RAB38: variants seen among roughly 807,000 people sequenced by gnomAD.
RAB38 encodes the protein RAB38, member RAS oncogene family.
Under a neutral mutation model 18.4 loss-of-function variants are expected in RAB38, and 15 were observed. That is an observed-to-expected ratio of 0.82 (90% CI 0.55 to 1.26). RAB38 has a LOEUF of 1.26. Ranked by LOEUF, RAB38 falls within the 50% of genes most tolerant of loss-of-function variation. The probability of loss-of-function intolerance (pLI) is 0.00; values close to 1 mark genes in which losing one functional copy is unlikely to be tolerated. For missense variants in RAB38, 294 were observed against 267.4 expected (o/e 1.10, Z -0.69); for synonymous variants, 101 against 104.4 (o/e 0.97, Z 0.20).
chr11:87,857,873 T>A, the RAB38 span, among the ~76,000 whole-genome samples: 14 of 152,208 alleles, frequency 9.2e-5, no homozygotes, highest in Non-Finnish European at 1.8e-4. Flanking sequence ...TTTAATTAGA[T>A]CCCATTTGTC....
the RAB38 span, among the ~76,000 whole-genome samples, chr11:88,088,280 A>C: frequency 1.3e-5 from 2 of 151,960 alleles, no homozygotes; most frequent in Non-Finnish European, 2.9e-5. Context: ...TATTTGTAAA[A>C]CAACAAACTT....
the RAB38 span, among the ~76,000 whole-genome samples, chr11:87,859,211 C>A: frequency 4.4e-3 from 660 of 151,494 alleles, 2 homozygotes; most frequent in Non-Finnish European, 7.4e-3. Flanking sequence ...AATGTTTATA[C>A]GCCATTGAGA....
the RAB38 span, among the ~76,000 whole-genome samples, chr11:88,022,939 G>A: frequency 6.6e-6 from 1 of 152,112 alleles, no homozygotes; most frequent in African/African-American, 2.4e-5. Context: ...TTATAAGTGG[G>A]AGTTAAGTGA....
At chr11:87,938,697 G>A in the RAB38 span, among the ~76,000 whole-genome samples, 1 of 109,780 alleles carries the variant, frequency 9.1e-6, no homozygotes. Context: ...ACAAAATTTT[G>A]TTGGGGTTTT....
At chr11:88,013,558 A>T in the RAB38 span, among the ~76,000 whole-genome samples, 29 of 152,298 alleles carry the variant, frequency 1.9e-4, 1 homozygote, top group East Asian at 5.0e-3. Flanking sequence ...AAATCTGAAG[A>T]TTTGGAGATT....
the RAB38 span, among the ~76,000 whole-genome samples, chr11:87,835,130 G>A: frequency 6.6e-6 from 1 of 152,202 alleles, no homozygotes; most frequent in Non-Finnish European, 1.5e-5. Flanking sequence ...CTGACTAATA[G>A]AATTGGAGAA....
At chr11:87,939,383 C>T in the RAB38 span, among the ~76,000 whole-genome samples, 12 of 65,690 alleles carry the variant, frequency 1.8e-4, no homozygotes, top group African/African-American at 6.2e-4. Flanking sequence ...CATACATACA[C>T]ACACACACAC....
the RAB38 span, among the ~76,000 whole-genome samples, chr11:88,010,689 T>G: frequency 1.3e-5 from 2 of 152,272 alleles, no homozygotes; most frequent in South Asian, 4.1e-4. Flanking sequence ...TTATATCCAC[T>G]CTCTCATTTA....
the RAB38 span, chr11:88,099,846 A>T: frequency 1.3e-5 from 2 of 151,870 alleles, no homozygotes; most frequent in South Asian, 2.1e-4. Context: ...AATTTATATT[A>T]AAATAATAAT....
At chr11:87,921,283 C>T in the RAB38 span, among the ~76,000 whole-genome samples, 2 of 151,930 alleles carry the variant, frequency 1.3e-5, no homozygotes, top group Admixed American at 6.6e-5. Flanking sequence ...GTGATACTCT[C>T]CTGTGTTCCT....
chr11:87,919,728 C>T, the RAB38 span, among the ~76,000 whole-genome samples: 413 of 152,030 alleles, frequency 2.7e-3, 3 homozygotes, highest in East Asian at 0.017. Context: ...CCATCTGGTC[C>T]TGAGATTTTT....
the RAB38 span, among the ~76,000 whole-genome samples, chr11:88,056,698 G>A: frequency 6.6e-6 from 1 of 152,076 alleles, no homozygotes; most frequent in African/African-American, 2.4e-5. Flanking sequence ...CAGCTACTCG[G>A]AAGGCTGAGG....
chr11:87,834,700 A>T, the RAB38 span, among the ~76,000 whole-genome samples: 1 of 152,186 alleles, frequency 6.6e-6, no homozygotes, highest in Admixed American at 6.6e-5. Flanking sequence ...TAGTCAGATA[A>T]TATCAGTTTA....
At chr11:87,923,226 T>G in the RAB38 span, among the ~76,000 whole-genome samples, 1 of 151,934 alleles carries the variant, frequency 6.6e-6, no homozygotes, top group Non-Finnish European at 1.5e-5. Flanking sequence ...GTATTAGTAT[T>G]AATATTACCA....
At chr11:88,043,950 G>T in the RAB38 span, among the ~76,000 whole-genome samples, 1 of 152,178 alleles carries the variant, frequency 6.6e-6, no homozygotes, top group Non-Finnish European at 1.5e-5. Context: ...TTTAAATCTA[G>T]TAAGCAACCT....
the RAB38 span, among the ~76,000 whole-genome samples, chr11:87,874,674 T>C: frequency 4.0e-5 from 6 of 149,728 alleles, no homozygotes. Context: ...AATAATAAAA[T>C]AAAATAAAAT....
intron 2 of RAB38, among the ~76,000 whole-genome samples, chr11:88,135,424 T>G (rs1942824270): frequency 6.6e-6 from 1 of 152,336 alleles, no homozygotes; most frequent in East Asian, 1.9e-4. Flanking sequence ...ATTTGAAGAA[T>G]AAATGAATAG....
chr11:87,819,122 C>T, the RAB38 span, among the ~76,000 whole-genome samples: 1 of 152,160 alleles, frequency 6.6e-6, no homozygotes, highest in East Asian at 1.9e-4. Flanking sequence ...TTACAGCAGC[C>T]CCTTTGCCTA....
the RAB38 span, among the ~76,000 whole-genome samples, chr11:88,094,827 G>A: frequency 6.6e-6 from 1 of 151,864 alleles, no homozygotes; most frequent in Non-Finnish European, 1.5e-5. Flanking sequence ...ATTTCTTTAT[G>A]TATATTTCAA....
Sources: allele counts gnomAD v4.1 joint callset (sites outside exome capture counted in the v4.1 genomes callset), GRCh38; gene constraint gnomAD v4.1.1; transcripts MANE v1.5; gene names NCBI Gene and HGNC (gene_info 2026-07-23, HGNC 2026-07-21).